Variants in CCDC7 observed in about 807,000 individuals in gnomAD.
CCDC7 encodes coiled-coil domain containing 7, also known as coiled-coil domain-containing protein 7.
In CCDC7, 183 loss-of-function variants were observed where a neutral mutation model predicts 196.9. That is an observed-to-expected ratio of 0.93 (90% CI 0.82 to 1.05). The LOEUF is 1.05. Among genes scored for constraint, CCDC7 ranks in the 50% least tolerant of loss-of-function variants. CCDC7 has a pLI of 0.00. For synonymous variants in CCDC7, 525 were observed against 484.6 expected (o/e 1.08, Z -1.10); for missense variants, 1,540 against 1,482.2 (o/e 1.04, Z -0.64).
exon 6 of CCDC7, chr10:32,471,113 A>C (rs2037852456): frequency 6.2e-7 from 1 of 1,612,124 alleles, no homozygotes; most frequent in Non-Finnish European, 8.5e-7. Flanking sequence ...AAACCTGACA[A>C]AACAGTCATT....
intron 28 of CCDC7, among the ~76,000 whole-genome samples, chr10:32,741,290 AC>A (rs2085794121): frequency 3.3e-5 from 5 of 152,228 alleles, no homozygotes; most frequent in Admixed American, 2.6e-4. Context: ...CAAACTAAGA[AC>A]TTGGAGCCAC....
chr10:32,754,351 C>T (rs1285111257), intron 28 of CCDC7, among the ~76,000 whole-genome samples: 2 of 152,142 alleles, frequency 1.3e-5, no homozygotes, highest in African/African-American at 2.4e-5. Flanking sequence ...TATGTGGCCT[C>T]ATATGATGGA....
intron 2 of CCDC7, 33 bp from the exon 4 acceptor site, chr10:32,456,218 T>C: frequency 6.7e-7 from 1 of 1,483,832 alleles, no homozygotes; most frequent in East Asian, 2.3e-5. Context: ...GATTCTTAAA[T>C]GTAACTTTAT....
At chr10:32,720,705 T>C (rs543908722) in intron 25 of CCDC7, among the ~76,000 whole-genome samples, 22 of 152,236 alleles carry the variant, frequency 1.4e-4, no homozygotes, top group Admixed American at 6.5e-5. Context: ...CTGAGACCCA[T>C]TGGCATAGTT....
intron 28 of CCDC7, among the ~76,000 whole-genome samples, chr10:32,771,955 A>C (rs982125227): frequency 2.8e-4 from 43 of 152,316 alleles, no homozygotes; most frequent in African/African-American, 1.0e-3. Flanking sequence ...CTGTGGGAGT[A>C]GTAGTGGAAT....
At chr10:32,871,333 A>G (rs1565774424) in intron 41 of CCDC7, among the ~76,000 whole-genome samples, 2 of 151,564 alleles carry the variant, frequency 1.3e-5, no homozygotes. Context: ...TCTTGGGAGG[A>G]TGTATGTGTT....
At chr10:32,762,482 A>C (rs1279542679) in intron 28 of CCDC7, among the ~76,000 whole-genome samples, 4 of 151,702 alleles carry the variant, frequency 2.6e-5, no homozygotes, top group Non-Finnish European at 4.4e-5. Context: ...AGAAAACAAA[A>C]ATTCTATAAC....
intron 18 of CCDC7, among the ~76,000 whole-genome samples, chr10:32,605,358 G>A (rs1250134696): frequency 6.6e-6 from 1 of 152,158 alleles, no homozygotes; most frequent in African/African-American, 2.4e-5. Context: ...CTGAGGAATG[G>A]GGCGTTGCTA....
exon 15 of CCDC7, chr10:32,567,736 G>T (rs2057036334): frequency 1.9e-6 from 3 of 1,613,294 alleles, no homozygotes; most frequent in African/African-American, 1.3e-5. Flanking sequence ...TAAAAGTGAG[G>T]GGAAAACTGA....
At chr10:32,656,920 C>G (rs1261844854) in intron 20 of CCDC7, among the ~76,000 whole-genome samples, 2 of 152,204 alleles carry the variant, frequency 1.3e-5, no homozygotes, top group Non-Finnish European at 2.9e-5. Flanking sequence ...TGGGTAAATA[C>G]ACCCATTCCA....
intron 21 of CCDC7, among the ~76,000 whole-genome samples, chr10:32,681,746 C>A (rs1432155591): frequency 6.5e-5 from 7 of 108,272 alleles, no homozygotes; most frequent in African/African-American, 1.7e-4. Flanking sequence ...TATACACACA[C>A]ACACACACAC....
intron 34 of CCDC7, 50 bp downstream of exon 35, chr10:32,845,376 C>G: frequency 7.2e-7 from 1 of 1,385,238 alleles, no homozygotes. Flanking sequence ...ATTGATATTC[C>G]CTGAGTTAAA....
At chr10:32,529,242 G>C (rs2049240618) in intron 11 of CCDC7, among the ~76,000 whole-genome samples, 1 of 152,080 alleles carries the variant, frequency 6.6e-6, no homozygotes, top group South Asian at 2.1e-4. Flanking sequence ...GGCTGGGCTT[G>C]AGCTCCTGAC....
intron 24 of CCDC7, among the ~76,000 whole-genome samples, chr10:32,704,717 C>T (rs1372841333): frequency 6.6e-6 from 1 of 152,164 alleles, no homozygotes; most frequent in Non-Finnish European, 1.5e-5. Flanking sequence ...GGCAGGCGCC[C>T]TTCCTCCAGC....
At chr10:32,802,645 A>G (rs1217662329) in intron 29 of CCDC7, among the ~76,000 whole-genome samples, 1 of 152,170 alleles carries the variant, frequency 6.6e-6, no homozygotes, top group African/African-American at 2.4e-5. Context: ...TCAGTAGGCC[A>G]TCTGCAAGCT....
intron 21 of CCDC7, among the ~76,000 whole-genome samples, chr10:32,682,253 A>G (rs1199862618): frequency 6.6e-6 from 1 of 152,136 alleles, no homozygotes; most frequent in African/African-American, 2.4e-5. Context: ...AAGTGTACCC[A>G]CTTACAAGAG....
intron 18 of CCDC7, among the ~76,000 whole-genome samples, chr10:32,588,940 A>G (rs1219318980): frequency 6.6e-6 from 1 of 152,124 alleles, no homozygotes; most frequent in South Asian, 2.1e-4. Flanking sequence ...ACTGGCGTAT[A>G]ATGTGTAATA....
chr10:32,486,195 T>G (rs906045859), intron 8 of CCDC7, among the ~76,000 whole-genome samples: 5 of 152,184 alleles, frequency 3.3e-5, no homozygotes, highest in African/African-American at 9.7e-5. Context: ...ATTGGGTACA[T>G]ATATATTTAG....
chr10:32,546,277 C>T (rs958546966), intron 13 of CCDC7, among the ~76,000 whole-genome samples: 6 of 152,166 alleles, frequency 3.9e-5, no homozygotes, highest in African/African-American at 1.4e-4. Flanking sequence ...TCTTTTGCAA[C>T]TTATCAAGTC....
Sources: gnomAD v4.1 joint callset for allele counts (sites outside exome capture counted in the v4.1 genomes callset) on GRCh38, gnomAD v4.1.1 for gene constraint, MANE v1.5 for transcripts, NCBI Gene and HGNC (gene_info 2026-07-23, HGNC 2026-07-21) for gene names.